GRID1: variants seen among roughly 807,000 people sequenced by gnomAD.
GRID1 encodes glutamate ionotropic receptor delta type subunit 1.
In GRID1, 28 loss-of-function variants were observed where a neutral mutation model predicts 98.0. That is an observed-to-expected ratio of 0.29 (90% CI 0.21 to 0.39). GRID1 has a LOEUF of 0.39. Ranked by LOEUF, GRID1 falls within the 10% of genes least tolerant of loss-of-function variation. GRID1 has a pLI of 1.00. For missense variants in GRID1, 1,111 were observed against 1,340.5 expected (o/e 0.83, Z 2.67); for synonymous variants, 553 against 538.5 (o/e 1.03, Z -0.37).
chr10:86,256,631 T>A (rs1846921983), intron 2 of GRID1, among the ~76,000 whole-genome samples: 1 of 152,180 alleles, frequency 6.6e-6, no homozygotes, highest in South Asian at 2.1e-4. Context: ...TATGTATATA[T>A]AATTCACAAG....
intron 4 of GRID1, among the ~76,000 whole-genome samples, chr10:86,125,870 G>A (rs187614285): frequency 7.9e-5 from 12 of 152,162 alleles, no homozygotes; most frequent in East Asian, 5.8e-4. Context: ...CTACTTTACC[G>A]TAAGAATATA....
chr10:86,174,890 A>C, intron 3 of GRID1, among the ~76,000 whole-genome samples: 1 of 152,212 alleles, frequency 6.6e-6, no homozygotes, highest in Admixed American at 6.5e-5. Flanking sequence ...CACATGAAAA[A>C]ATGCTCACCA....
At chr10:85,678,426 T>C (rs779625747) in intron 12 of GRID1, among the ~76,000 whole-genome samples, 1 of 152,270 alleles carries the variant, frequency 6.6e-6, no homozygotes, top group Non-Finnish European at 1.5e-5. Flanking sequence ...TCTTCAGCCC[T>C]TTCTCATGCC....
Position 85,918,799 on chromosome 10 carries a change from A to G in GRID1, c.727-2560T>C, listed in dbSNP as rs574864874. On this transcript the variant is annotated intron_variant, in intron 4 of 15. Coordinates refer to ENST00000327946, the MANE Select transcript of GRID1 (RefSeq NM_017551.3). ...GGAGTAGCGACGTCCCATCCCAGGA[A>G]GTGCCTGAGCAGAAGGTGAGCAGTG... Among the ~76,000 whole-genome samples, 5 of 152,346 alleles carry G rather than the reference A, an allele frequency of 3.3e-5. No individual in the cohort carries two copies. In the South Asian group the frequency reaches 1.0e-3, roughly 32 times the overall value.
intron 12 of GRID1, among the ~76,000 whole-genome samples, chr10:85,681,541 T>C (rs1214391297): frequency 6.6e-6 from 1 of 152,118 alleles, no homozygotes; most frequent in African/African-American, 2.4e-5. Context: ...TCCCCAGAGT[T>C]CACTGTGGGT....
At chr10:85,908,574 G>A (rs1223850401) in intron 5 of GRID1, among the ~76,000 whole-genome samples, 2 of 152,170 alleles carry the variant, frequency 1.3e-5, no homozygotes, top group East Asian at 3.8e-4. Flanking sequence ...TTGTTTGTGG[G>A]TGAGATGACT....
rs556687165 is a variant in GRID1 at position 85,600,623 on chromosome 10, G to T, written c.*1650C>A. On this transcript the variant is annotated 3_prime_UTR_variant, in exon 16 of 16. Coordinates refer to ENST00000327946, the MANE Select transcript of GRID1 (RefSeq NM_017551.3). Reference sequence around the variant, plus strand: ...CCTCCTTCAGTGACAGATGTGGGCTGTGTATTCCATTCTGACGGGTCTGGA... The same window carrying T: ...CCTCCTTCAGTGACAGATGTGGGCTTTGTATTCCATTCTGACGGGTCTGGA... 1 of 152,356 alleles carries T rather than the reference G, an allele frequency of 6.6e-6. No homozygotes were observed. The highest frequency in any genetic ancestry group is 1.5e-5 in the Non-Finnish European group (1 of 68,042). 9.4% of individuals were successfully genotyped at this position (152,356 alleles called of 1,614,324 possible). A position where few individuals can be genotyped will look rare whatever the true frequency, so the allele number is the denominator to read the frequency against.
chr10:85,883,141 A>T (rs1841059482), intron 5 of GRID1, among the ~76,000 whole-genome samples: 1 of 152,062 alleles, frequency 6.6e-6, no homozygotes. Flanking sequence ...TCTAGGCCTC[A>T]TTCTAAACAA....
intron 3 of GRID1, among the ~76,000 whole-genome samples, chr10:86,184,464 T>TTC (rs1845700849): frequency 6.8e-6 from 1 of 146,898 alleles, no homozygotes; most frequent in African/African-American, 2.5e-5. Context: ...CTTTTTTCTT[T>TTC]TTTTTTTTTT....
intron 15 of GRID1, among the ~76,000 whole-genome samples, chr10:85,611,909 C>A (rs1842736103): frequency 6.6e-6 from 1 of 152,238 alleles, no homozygotes; most frequent in African/African-American, 2.4e-5. Context: ...CCTTTCAGGG[C>A]CTTTTCCTCA....
At chr10:86,175,984 C>T (rs1157804113) in intron 3 of GRID1, among the ~76,000 whole-genome samples, 2 of 152,176 alleles carry the variant, frequency 1.3e-5, no homozygotes, top group Admixed American at 1.3e-4. Context: ...GCTGGGATTA[C>T]AGGCGTGAGC....
chr10:86,110,411 A>G (rs1441282837), intron 4 of GRID1, among the ~76,000 whole-genome samples: 2 of 151,974 alleles, frequency 1.3e-5, no homozygotes, highest in Non-Finnish European at 2.9e-5. Flanking sequence ...GGAAGAGGGG[A>G]AGATGGCTTG....
At chr10:85,711,556 A>T (rs932602292) in intron 12 of GRID1, among the ~76,000 whole-genome samples, 5 of 151,866 alleles carry the variant, frequency 3.3e-5, no homozygotes, top group Non-Finnish European at 7.4e-5. Context: ...GGTAATGTTG[A>T]TTGTGACAAT....
At chr10:85,658,671 G>A (rs547781186) in intron 12 of GRID1, among the ~76,000 whole-genome samples, 1 of 152,304 alleles carries the variant, frequency 6.6e-6, no homozygotes, top group East Asian at 1.9e-4. Context: ...AGTTGAACCT[G>A]TCCCAGCTTA....
At chr10:86,292,519 C>T (rs999165755) in intron 2 of GRID1, among the ~76,000 whole-genome samples, 1 of 152,244 alleles carries the variant, frequency 6.6e-6, no homozygotes, top group Admixed American at 6.5e-5. Context: ...ATAAGCGTCG[C>T]CCCTGGCACC....
chr10:86,171,639 T>C (rs546128848), intron 3 of GRID1, among the ~76,000 whole-genome samples: 2 of 152,320 alleles, frequency 1.3e-5, no homozygotes, highest in South Asian at 2.1e-4. Flanking sequence ...GTAGACTGTC[T>C]AAAAGATTTC....
chr10:86,112,540 C>A (rs1376303725), intron 4 of GRID1, among the ~76,000 whole-genome samples: 1 of 141,852 alleles, frequency 7.0e-6, no homozygotes, highest in African/African-American at 2.7e-5. Context: ...CCAAAAATGA[C>A]AAACAGCAAG....
chr10:85,635,404 G>A (rs909611171), intron 13 of GRID1, among the ~76,000 whole-genome samples: 2 of 152,128 alleles, frequency 1.3e-5, no homozygotes, highest in East Asian at 1.9e-4. Flanking sequence ...CCAGGGCAGA[G>A]GACCCCCTGC....
intron 2 of GRID1, among the ~76,000 whole-genome samples, chr10:86,342,358 C>G (rs1848321831): frequency 6.6e-6 from 1 of 152,184 alleles, no homozygotes; most frequent in African/African-American, 2.4e-5. Flanking sequence ...GATGCCTCTA[C>G]CCCAGGTCCA....
Sources: allele counts gnomAD v4.1 joint callset (sites outside exome capture counted in the v4.1 genomes callset), GRCh38; gene constraint gnomAD v4.1.1; transcripts MANE v1.5; gene names NCBI Gene and HGNC (gene_info 2026-07-23, HGNC 2026-07-21).